Variants in PUS10 observed in about 807,000 individuals in gnomAD.
The protein encoded by PUS10 is pseudouridine synthase 10, also known as tRNA pseudouridine synthase Pus10.
PUS10 carries 59 observed loss-of-function variants against 75.0 expected under a neutral mutation model. The ratio of observed to expected loss-of-function variants is 0.79; its 90% CI spans 0.64 to 0.98. The LOEUF (loss-of-function observed/expected upper bound fraction) is 0.98, where lower values mean the gene tolerates loss of function less well. Ranked by LOEUF, PUS10 falls within the 50% of genes least tolerant of loss-of-function variation. The pLI, the probability that PUS10 is intolerant of heterozygous loss-of-function variation, is 0.00. For missense variants in PUS10, 650 were observed against 614.4 expected (o/e 1.06, Z -0.61); for synonymous variants, 219 against 211.6 (o/e 1.03, Z -0.30).
chr2:60,993,098 G>A (rs1678215408), intron 4 of PUS10, among the ~76,000 whole-genome samples: 1 of 152,180 alleles, frequency 6.6e-6, no homozygotes, highest in African/African-American at 2.4e-5. Flanking sequence ...TAAAAAGGAA[G>A]TAGCCCTGTG....
chr2:61,002,534 G>A (rs976589775), intron 4 of PUS10, among the ~76,000 whole-genome samples: 1 of 152,066 alleles, frequency 6.6e-6, no homozygotes, highest in African/African-American at 2.4e-5. Flanking sequence ...CGCAACCTCC[G>A]CCTCCTGGGC....
In PUS10 at chr2:61,017,786, C is replaced by G; in HGVS notation, c.-16+222G>C. ...TGGCGTCCCAGCCGCCACCTCCCCCCAAACCCTGGGAGACCCGCCGAATTC... is the reference window on the plus strand; with the variant it reads ...TGGCGTCCCAGCCGCCACCTCCCCCGAAACCCTGGGAGACCCGCCGAATTC... On this transcript the variant is annotated intron_variant, in intron 1 of 17. Coordinates refer to ENST00000316752, the MANE Select transcript of PUS10 (RefSeq NM_144709.4). 3 of 1,550,296 alleles carry G rather than the reference C, an allele frequency of 1.9e-6. No homozygotes were observed. The highest frequency in any genetic ancestry group is 2.6e-6 in the Non-Finnish European group (3 of 1,146,862).
At chr2:60,973,226 G>A (rs1386604585) in intron 4 of PUS10, among the ~76,000 whole-genome samples, 2 of 152,246 alleles carry the variant, frequency 1.3e-5, no homozygotes, top group East Asian at 3.8e-4. Context: ...TGAAAGTGTC[G>A]GGTTAATTTG....
intron 6 of PUS10, 66 bp from the exon 7 acceptor site, chr2:60,965,550 G>T: frequency 9.1e-7 from 1 of 1,097,332 alleles, no homozygotes; most frequent in Non-Finnish European, 1.3e-6. Context: ...CTTATTAATG[G>T]AAATAGAAAT....
rs1170577545 is a variant in PUS10, at chr2:60,945,103, A to C, written c.1457T>G (p.Ile486Ser). Residue 486 changes from isoleucine to serine, a missense_variant, in exon 17 of 18, where the codon ATT becomes AGT. Physicochemically the swap from Ile to Ser is moderately radical, Grantham distance 142 (BLOSUM62 -2). Coordinates refer to ENST00000316752, the MANE Select transcript of PUS10 (RefSeq NM_144709.4). Reference sequence around the variant, plus strand: ...GAAGTCTCCATGTACAAACTCTTTAATGTAGCTGGGGTTTGTTTAAGGAAA... The same window carrying C: ...GAAGTCTCCATGTACAAACTCTTTACTGTAGCTGGGGTTTGTTTAAGGAAA... ...LHLKTQAGTY[I>S]KEFVHGDFGR... 6.2e-7 allele frequency: 1 copy of C among 1,611,408 alleles called. No homozygotes were observed. Among genetic ancestry groups the C allele is most frequent in the Non-Finnish European group, 8.5e-7 (1 of 1,177,654 alleles).
In PUS10 at chr2:60,988,088, A is replaced by AAAAT. The variant is rs554302593; in HGVS notation, c.469-16535_469-16532dup. Among the ~76,000 whole-genome samples, 187 of 151,984 alleles carry AAAAT rather than the reference A, an allele frequency of 1.2e-3. 1 individual carries two copies. The highest frequency in any genetic ancestry group is 4.0e-3 in the African/African-American group (166 of 41,500). ...TGGGTGAGAGAGCAAGACTCCGTCT[A>AAAAT]AAATAAATAAATAAATAAATAAATT... On this transcript the variant is annotated intron_variant, in intron 4 of 17. Transcript: ENST00000316752.
chr2:60,945,001 T>C lies in PUS10; in HGVS notation c.1551+8A>G, dbSNP rs1674853260. On this transcript the variant is annotated splice_region_variant and intron_variant, in intron 17 of 17. Coordinates refer to ENST00000316752, the MANE Select transcript of PUS10 (RefSeq NM_144709.4). ...TGCCAATGTGCATTCCACAACAAAA[T>C]GGTTTACCTCAACATCCAGCTCCAG... The C allele has an allele frequency of 6.2e-7, 1 of 1,606,120 alleles. No individual in the cohort carries two copies. Among genetic ancestry groups the C allele is most frequent in the Non-Finnish European group, 8.5e-7 (1 of 1,172,810 alleles).
At chr2:61,011,734 T>G (rs1277293462) in intron 2 of PUS10, 31 bp downstream of exon 2, 1 of 1,400,138 alleles carries the variant, frequency 7.1e-7, no homozygotes, top group Non-Finnish European at 9.5e-7. Flanking sequence ...TTCTCTTAAT[T>G]TGAAAAAAAA....
At chr2:60,999,302 A>G (rs1363170942) in intron 4 of PUS10, among the ~76,000 whole-genome samples, 4 of 152,176 alleles carry the variant, frequency 2.6e-5, no homozygotes, top group Admixed American at 1.3e-4. Flanking sequence ...GTAGAAGTTT[A>G]GAGGAATCAA....
At chr2:60,968,433 C>T (rs1415699951) in intron 5 of PUS10, among the ~76,000 whole-genome samples, 1 of 152,068 alleles carries the variant, frequency 6.6e-6, no homozygotes, top group Non-Finnish European at 1.5e-5. Context: ...ATTTATAGGG[C>T]TGCTTTTAAT....
intron 1 of PUS10, among the ~76,000 whole-genome samples, chr2:61,015,352 T>G (rs1351312563): frequency 6.6e-6 from 1 of 151,844 alleles, no homozygotes; most frequent in African/African-American, 2.4e-5. Flanking sequence ...ATACAAAAAT[T>G]AGCCACGTGT....
In PUS10 at chr2:60,951,226, G is replaced by A. The variant is rs147054037; in HGVS notation, c.1308+1771C>T. 1.1e-4 allele frequency among the ~76,000 whole-genome samples: 17 copies of A among 152,058 alleles called. No homozygotes were observed. The East Asian group carries it at 1.7e-3, about 16-fold the overall frequency. On this transcript the variant is annotated intron_variant, in intron 15 of 17. Transcript: ENST00000316752. ...TGTGTATACATATACATATATATGCGTTTGTGTGTGCTTAAATCAGCAGTC... is the reference window on the plus strand; with the variant it reads ...TGTGTATACATATACATATATATGCATTTGTGTGTGCTTAAATCAGCAGTC...
intron 3 of PUS10, among the ~76,000 whole-genome samples, chr2:61,007,857 C>T (rs188462982): frequency 3.4e-5 from 5 of 149,240 alleles, no homozygotes; most frequent in African/African-American, 7.4e-5. Context: ...CCAAGGCGGG[C>T]GGATCACGAG....
chr2:61,012,719 G>A (rs1042762210), intron 1 of PUS10, among the ~76,000 whole-genome samples: 3 of 146,004 alleles, frequency 2.1e-5, no homozygotes, highest in Non-Finnish European at 4.5e-5. Context: ...CTGTAATCCC[G>A]GCTACTTGGG....
chr2:60,955,419 T>C (rs1675587032), intron 11 of PUS10, among the ~76,000 whole-genome samples: 2 of 152,096 alleles, frequency 1.3e-5, no homozygotes, highest in South Asian at 4.1e-4. Context: ...AGCCTCAAAC[T>C]CCTGGGCCCA....
chr2:60,960,149 CAAAAA>C (rs559273848), intron 11 of PUS10, among the ~76,000 whole-genome samples: 7 of 88,270 alleles, frequency 7.9e-5, no homozygotes, highest in African/African-American at 2.7e-4. Flanking sequence ...CAGGCTCTCT[CAAAAA>C]AAAAAAAAAA....
intron 4 of PUS10, among the ~76,000 whole-genome samples, chr2:60,987,818 T>C (rs1677816714): frequency 6.6e-6 from 1 of 150,794 alleles, no homozygotes; most frequent in African/African-American, 2.4e-5. Context: ...AAGGCTGAGG[T>C]AGGAGAAAAG....
At chr2:60,985,531 C>G (rs1045586485) in intron 4 of PUS10, among the ~76,000 whole-genome samples, 1 of 151,866 alleles carries the variant, frequency 6.6e-6, no homozygotes, top group Non-Finnish European at 1.5e-5. Context: ...AACAGGATCT[C>G]ACTGTGTTGC....
At chr2:61,003,656 C>T (rs144242130) in intron 4 of PUS10, among the ~76,000 whole-genome samples, 1 of 151,312 alleles carries the variant, frequency 6.6e-6, no homozygotes, top group Non-Finnish European at 1.5e-5. Flanking sequence ...GCAATCCCCC[C>T]ACCTTGGTCT....
Sources: gnomAD v4.1 joint callset for allele counts (sites outside exome capture counted in the v4.1 genomes callset) on GRCh38, gnomAD v4.1.1 for gene constraint, MANE v1.5 for transcripts, NCBI Gene and HGNC (gene_info 2026-07-23, HGNC 2026-07-21) for gene names.